The following SLC15A2 variants were observed in gnomAD, a reference collection of about 807,000 sequenced individuals.
SLC15A2 encodes solute carrier family 15 member 2, also known as kidney H(+)/peptide cotransporter.
In SLC15A2, 77 loss-of-function variants were observed where a neutral mutation model predicts 95.5. The ratio of observed to expected loss-of-function variants is 0.81; its 90% CI spans 0.67 to 0.97. SLC15A2 has a LOEUF of 0.97. SLC15A2 is among the 50% of genes least tolerant of loss of function. The pLI, the probability that SLC15A2 is intolerant of heterozygous loss-of-function variation, is 0.00. For synonymous variants in SLC15A2, 306 were observed against 306.9 expected, an observed-to-expected ratio of 1.00 and a Z score of 0.03; for missense variants, 893 against 874.4, an observed-to-expected ratio of 1.02 and a Z score of -0.27.
At chr3:121,934,377 G>T (rs976447428) in intron 19 of SLC15A2, among the ~76,000 whole-genome samples, 18 of 152,124 alleles carry the variant, frequency 1.2e-4, no homozygotes, top group Middle Eastern at 3.4e-3. Flanking sequence ...TCACAATATT[G>T]ATTCTTCCTA....
intron 4 of SLC15A2, 152 bp from the exon 5 acceptor site, chr3:121,912,869 G>A: frequency 1.7e-6 from 1 of 594,210 alleles, no homozygotes. Context: ...ATACCTCCTA[G>A]GAATAAAGGC....
intron 3 of SLC15A2, among the ~76,000 whole-genome samples, chr3:121,901,417 A>G (rs1410738439): frequency 2.6e-5 from 4 of 152,188 alleles, no homozygotes; most frequent in Non-Finnish European, 4.4e-5. Flanking sequence ...CAGACCCTCA[A>G]ATGTAGCCAC....
At chr3:121,905,082 G>T (rs1709605357) in intron 3 of SLC15A2, among the ~76,000 whole-genome samples, 2 of 152,270 alleles carry the variant, frequency 1.3e-5, no homozygotes, top group South Asian at 4.1e-4. Flanking sequence ...TCTTGGGAGG[G>T]TGTATGTGTC....
At chr3:121,928,354 A>T (rs1710162623) in intron 14 of SLC15A2, 67 bp from the exon 15 acceptor site, 1 of 1,562,456 alleles carries the variant, frequency 6.4e-7, no homozygotes, top group Admixed American at 1.8e-5. Flanking sequence ...AACAACTGAG[A>T]TATGTGTTGC....
At chr3:121,938,620 G>A (rs561799101) in intron 19 of SLC15A2, among the ~76,000 whole-genome samples, 2 of 152,326 alleles carry the variant, frequency 1.3e-5, no homozygotes, top group Admixed American at 6.5e-5. Flanking sequence ...GCCCTGCTTT[G>A]GCTCGCACAC....
At position 121,929,108 on chromosome 3, in the gene SLC15A2, G is replaced by A; in HGVS notation, c.1468G>A (p.Val490Ile). Residue 490 changes from valine to isoleucine, a missense_variant, in exon 16 of 22, where the codon GTC becomes ATC. Coordinates refer to ENST00000489711, the MANE Select transcript of SLC15A2 (RefSeq NM_021082.4). ...SVQEKNWYSL[V>I]IREDGNSISS... ...GCAGGAGAAGAACTGGTACAGTCTT[G>A]TCATTCGTGAAGATGGGAACAGTAT... 1.2e-6 allele frequency: 2 copies of A among 1,613,868 alleles called. No individual in the cohort carries two copies. Among genetic ancestry groups the A allele is most frequent in the South Asian group, 1.1e-5 (1 of 91,010 alleles).
At chr3:121,922,385 C>T (rs1710023889) in intron 8 of SLC15A2, 83 bp downstream of exon 8, 1 of 1,093,544 alleles carries the variant, frequency 9.1e-7, no homozygotes, top group Admixed American at 2.0e-5. Context: ...CAAACGTGGG[C>T]ATACATTTTT....
Position 121,940,940 on chromosome 3 carries a change from C to G in SLC15A2, c.2123C>G (p.Ala708Gly), listed in dbSNP as rs200196172. The change falls in exon 22 of 22, where the codon GCA becomes GGA. Residue 708 changes from alanine (A) to glycine (G), a missense_variant. Coordinates refer to ENST00000489711, the MANE Select transcript of SLC15A2 (RefSeq NM_021082.4). ...AAGACAGAGGATATGCGGGGTCCAGCAGATAAGCACATTCCTCACATCCAG... is the reference window on the plus strand; with the variant it reads ...AAGACAGAGGATATGCGGGGTCCAGGAGATAAGCACATTCCTCACATCCAG... ...PVKTEDMRGP[A>G]DKHIPHIQGN... 23 of 1,614,146 alleles carry G rather than the reference C, an allele frequency of 1.4e-5. No individual in the cohort carries two copies. The East Asian group carries it at 4.7e-4, about 33-fold the overall frequency.
Position 121,928,473 on chromosome 3 carries a change from A to G in SLC15A2, c.1259A>G (p.Asn420Ser), listed in dbSNP as rs762755620. 5 of 1,614,168 alleles carry G rather than the reference A, an allele frequency of 3.1e-6. No homozygotes were observed. The highest frequency in any genetic ancestry group is 4.2e-6 in the Non-Finnish European group (5 of 1,179,990). ...CAGGAGGTTTTCCTACAAGTCTTGA[A>G]TCTGGCAGATGATGAGGTGAAGGTG... Reference protein sequence around the residue: ...GPQEVFLQVLNLADDEVKVTV... With the variant: ...GPQEVFLQVLSLADDEVKVTV... The change falls in exon 15 of 22, where the codon AAT (asparagine) becomes AGT (serine). Residue 420 changes from asparagine to serine, a missense_variant. Asn to Ser is a conservative substitution (Grantham distance 46, BLOSUM62 1). Transcript: ENST00000489711.
rs1709379928 is a variant in SLC15A2 at position 121,894,444 on chromosome 3, G to A, written c.-33G>A. 1.3e-6 allele frequency: 2 copies of A among 1,579,586 alleles called. No homozygotes were observed. Among genetic ancestry groups the A allele is most frequent in the African/African-American group, 2.7e-5 (2 of 74,000 alleles). ...TCCTAACTGCCTACTAAAGCCAAAT[G>A]CTTGAGGAGAGAGAGAGAGTAAGGA... On this transcript the variant is annotated 5_prime_UTR_variant, in exon 1 of 22. The change abolishes an upstream ATG in the 5' untranslated region. Coordinates refer to ENST00000489711, the MANE Select transcript of SLC15A2 (RefSeq NM_021082.4).
intron 2 of SLC15A2, among the ~76,000 whole-genome samples, chr3:121,896,927 G>T (rs75070748): frequency 1.8e-4 from 27 of 146,880 alleles, no homozygotes; most frequent in Non-Finnish European, 3.2e-4. Flanking sequence ...AAAGGGGGGG[G>T]AGGGAAAGCT....
At chr3:121,922,896 A>G (rs768120682) in intron 9 of SLC15A2, 35 bp downstream of exon 9, 1 of 1,582,790 alleles carries the variant, frequency 6.3e-7, no homozygotes, top group Admixed American at 1.7e-5. Context: ...TTATGGCTTG[A>G]TAGAGTCTTT....
intron 3 of SLC15A2, among the ~76,000 whole-genome samples, chr3:121,905,185 C>A (rs997000800): frequency 1.3e-5 from 2 of 152,140 alleles, no homozygotes; most frequent in African/African-American, 4.8e-5. Context: ...ACTGTGGAAT[C>A]GGTGGTGATA....
intron 2 of SLC15A2, 102 bp from the exon 3 acceptor site, chr3:121,897,286 T>C: frequency 6.9e-7 from 1 of 1,446,180 alleles, no homozygotes; most frequent in Non-Finnish European, 9.4e-7. Context: ...AAGGCCAAAA[T>C]CACATTATAA....
chr3:121,916,591 A>G (rs899128024), intron 7 of SLC15A2, among the ~76,000 whole-genome samples: 1 of 152,180 alleles, frequency 6.6e-6, no homozygotes, highest in Non-Finnish European at 1.5e-5. Context: ...TATATTCTTT[A>G]CTTCCTTCTG....
chr3:121,905,050 A>T (rs1419754888), intron 3 of SLC15A2, among the ~76,000 whole-genome samples: 1 of 152,036 alleles, frequency 6.6e-6, no homozygotes, highest in Non-Finnish European at 1.5e-5. Context: ...CTATTCAGAG[A>T]TTCAACTTCT....
intron 3 of SLC15A2, among the ~76,000 whole-genome samples, chr3:121,898,059 G>C (rs1236159263): frequency 6.6e-6 from 1 of 152,036 alleles, no homozygotes; most frequent in Non-Finnish European, 1.5e-5. Flanking sequence ...CTACTTGGGA[G>C]GCTGAGGCAG....
In SLC15A2 at chr3:121,924,304, T is replaced by TA. The variant is rs752684281; in HGVS notation, c.1003-47_1003-46insA. ...TATTGATCTAGGCCAACATTTTTTT[T>TA]TCTTTTCTTCAGACATCAACTAAAT... On this transcript the variant is annotated intron_variant, in intron 11 of 21. Coordinates refer to ENST00000489711, the MANE Select transcript of SLC15A2 (RefSeq NM_021082.4). 7 of 1,552,976 alleles carry TA rather than the reference T, an allele frequency of 4.5e-6. No individual in the cohort carries two copies. The East Asian group carries it at 1.6e-4, about 35-fold the overall frequency.
intron 3 of SLC15A2, among the ~76,000 whole-genome samples, chr3:121,911,320 G>A (rs954283932): frequency 1.3e-5 from 2 of 152,094 alleles, no homozygotes; most frequent in Non-Finnish European, 2.9e-5. Context: ...GGGAAGGTGG[G>A]TATAGGAAGG....
Sources: gnomAD v4.1 joint callset for allele counts (sites outside exome capture counted in the v4.1 genomes callset) on GRCh38, gnomAD v4.1.1 for gene constraint, MANE v1.5 for transcripts, NCBI Gene and HGNC (gene_info 2026-07-23, HGNC 2026-07-21) for gene names.